The following MACF1 variants were observed in gnomAD, a reference collection of about 807,000 sequenced individuals.
MACF1 encodes the protein microtubule actin crosslinking factor 1, also known as microtubule-actin cross-linking factor 1.
Under a neutral mutation model 854.8 loss-of-function variants are expected in MACF1, and 193 were observed. That is an observed-to-expected ratio of 0.23 (90% confidence interval 0.20 to 0.25). The LOEUF is 0.25. MACF1 is among the 10% of genes least tolerant of loss of function. The pLI is 1.00. For missense variants in MACF1, 7,722 were observed against 8,929.1 expected, an observed-to-expected ratio of 0.86 and a Z score of 5.45; for synonymous variants, 3,185 against 3,226.7, an observed-to-expected ratio of 0.99 and a Z score of 0.44.
rs564422813 is a variant in MACF1, at chr1:39,386,185, G to T, written c.14344+256G>T. Among the ~76,000 whole-genome samples the T allele has an allele frequency of 1.7e-3, 254 of 151,086 alleles. 1 individual carries two copies. The highest frequency in any genetic ancestry group is 5.9e-3 in the African/African-American group (244 of 41,122). On this transcript the variant is annotated intron_variant, in intron 57 of 100. Transcript: ENST00000564288. ...AATAAAATTTCAGTCAGCAAGTAGA[G>T]ATTCATCCCCATAGATGTACTGATA...
At chr1:39,382,471 G>A (rs913114758) in intron 56 of MACF1, among the ~76,000 whole-genome samples, 1 of 151,648 alleles carries the variant, frequency 6.6e-6, no homozygotes, top group African/African-American at 2.4e-5. Context: ...TTGGGAGGTC[G>A]AGGTGGGCGG....
chr1:39,299,156 G>A (rs897849755), intron 21 of MACF1: 1 of 452,058 alleles, frequency 2.2e-6, no homozygotes, highest in Non-Finnish European at 4.4e-6. Flanking sequence ...CAGCTCTCAA[G>A]TATGGAAATG....
At position 39,332,845 on chromosome 1, in the gene MACF1, AAGAG is replaced by A; in HGVS notation, c.6261_6264del (p.Arg2088IlefsTer7). 3 of 1,614,118 alleles carry A rather than the reference AAGAG, an allele frequency of 1.9e-6. No individual in the cohort carries two copies. The highest frequency in any genetic ancestry group is 2.5e-6 in the Non-Finnish European group (3 of 1,180,008). Reference sequence around the variant, plus strand: ...GAACAGGATCTGTTTGTAGAACAAAAAGAGAGAAATCCAAACATTGATGCTTTGA... The same window carrying A: ...GAACAGGATCTGTTTGTAGAACAAAAAGAAATCCAAACATTGATGCTTTGA... On this transcript the variant is annotated frameshift_variant, in exon 37 of 101. Transcript: ENST00000564288. LOFTEE classifies it high-confidence loss of function.
chr1:39,274,313 T>C (rs1033761084), intron 6 of MACF1, among the ~76,000 whole-genome samples: 1 of 152,290 alleles, frequency 6.6e-6, no homozygotes, highest in South Asian at 2.1e-4. Flanking sequence ...GTAATAATAC[T>C]GGTAAAATTA....
At chr1:39,102,538 G>C (rs1303020475) in intron 2 of MACF1, among the ~76,000 whole-genome samples, 1 of 152,128 alleles carries the variant, frequency 6.6e-6, no homozygotes, top group Non-Finnish European at 1.5e-5. Context: ...AATCTGGGAG[G>C]AAAGTCGGTT....
chr1:39,287,158 A>G, intron 14 of MACF1, 128 bp from the exon 15 acceptor site: 1 of 1,000,316 alleles, frequency 1.0e-6, no homozygotes, highest in Non-Finnish European at 1.4e-6. Flanking sequence ...ACGGGGTTTC[A>G]CCATGTTGTC....
chr1:39,480,788 A>C, intron 98 of MACF1, 132 bp from the exon 99 acceptor site: 1 of 618,354 alleles, frequency 1.6e-6, no homozygotes, highest in East Asian at 2.8e-5. Flanking sequence ...ATGGACCAAC[A>C]TGCATTTTAT....
rs745948217 is a variant in MACF1, at chr1:39,422,911, A to G, written c.16149+11A>G. ...ATCCAAGAACAGAAGGTAAGTGAGA[A>G]TGTTGGGACAGTGAACTGTAACAGC... is the stretch of plus-strand genomic sequence containing the variant. On this transcript the variant is annotated intron_variant, in intron 60 of 100. Coordinates refer to ENST00000564288, the MANE Select transcript of MACF1 (RefSeq NM_001394062.1). 8.1e-6 allele frequency: 13 copies of G among 1,612,436 alleles called. No homozygotes were observed. The African/African-American group carries it at 1.6e-4, about 20-fold the overall frequency.
chr1:39,215,873 T>C (rs1292081355), intron 1 of MACF1, among the ~76,000 whole-genome samples: 1 of 152,066 alleles, frequency 6.6e-6, no homozygotes, highest in Non-Finnish European at 1.5e-5. Context: ...CTAGTTCTTT[T>C]ACACTTTACT....
At chr1:39,241,916 T>TAAA (rs1177579182) in intron 2 of MACF1, among the ~76,000 whole-genome samples, 1 of 152,170 alleles carries the variant, frequency 6.6e-6, no homozygotes, top group East Asian at 1.9e-4. Context: ...AAACTGAGGG[T>TAAA]ATTAGAATTA....
At position 39,428,080 on chromosome 1, in the gene MACF1, C is replaced by T; in HGVS notation, c.16596C>T (p.Asp5532=). ...AGGGTGTGCTGTCAGAAAAGATAGA[C>T]TCATTGCAGGCCCGATACAGTGAAA... ...AEQGVLSEKI[D]SLQARYSEIQ... The change falls in exon 63 of 101, where the codon GAC becomes GAT. Residue 5532 remains aspartate (D), a synonymous_variant. Transcript: ENST00000564288. 6.2e-7 allele frequency: 1 copy of T among 1,614,206 alleles called. No homozygotes were observed. The highest frequency in any genetic ancestry group is 8.5e-7 in the Non-Finnish European group (1 of 1,180,038).
chr1:39,363,604 C>CTTTCTTTCTT (rs771066867), intron 49 of MACF1, among the ~76,000 whole-genome samples: 11 of 136,094 alleles, frequency 8.1e-5, no homozygotes, highest in African/African-American at 1.1e-4. Flanking sequence ...TTCTTTCTTT[C>CTTTCTTTCTT]TTTTTTTTTT....
intron 52 of MACF1, among the ~76,000 whole-genome samples, chr1:39,377,769 C>T (rs1271017379): frequency 1.3e-5 from 2 of 152,052 alleles, no homozygotes; most frequent in African/African-American, 2.4e-5. Context: ...TTTGGGAGGC[C>T]GAGGCAGGCA....
Position 39,102,193 on chromosome 1 carries a change from A to AGGAG in MACF1, c.220+17755_220+17756insGGAG, listed in dbSNP as rs1553130573. 2.2e-4 allele frequency among the ~76,000 whole-genome samples: 32 copies of AGGAG among 148,078 alleles called. No homozygotes were observed. In the Admixed American group the frequency reaches 2.2e-3, roughly 10 times the overall value. ...CCGTCAAAAAAAAAGAAGAAAAAGA[A>AGGAG]AGAGAGAGAGAGAGAGAGAAAGAGA... On this transcript the variant is annotated intron_variant, in intron 2 of 93. Transcript: ENST00000361689.
rs1318722022 is a variant in MACF1 at position 39,283,668 on chromosome 1, G to C, written c.915+153G>C. ...ATACATGGACATTATCCTTGGCCCT[G>C]GAAATGAGTCTAGATATTGCTAATT... is the stretch of plus-strand genomic sequence containing the variant. On this transcript the variant is annotated intron_variant, in intron 9 of 100. Coordinates refer to ENST00000564288, the MANE Select transcript of MACF1 (RefSeq NM_001394062.1). The surrounding 1 kb of genome is among the most constrained non-coding windows in gnomAD (Gnocchi z 4.5). Among the ~76,000 whole-genome samples the C allele has an allele frequency of 6.6e-6, 1 of 152,108 alleles. No individual in the cohort carries two copies. Among genetic ancestry groups the C allele is most frequent in the East Asian group, 1.9e-4 (1 of 5,204 alleles).
At position 39,437,965 on chromosome 1, in the gene MACF1, T is replaced by C. The variant is rs1644016749; in HGVS notation, c.18177T>C (p.Leu6059=). Residue 6059 remains leucine (L), a synonymous_variant, in exon 71 of 101, where the codon CTT becomes CTC. Coordinates refer to ENST00000564288, the MANE Select transcript of MACF1 (RefSeq NM_001394062.1). Reference sequence around the variant, plus strand: ...CCTTGAAGCGCCGTGGAGAGGAGCTTATTGGACGATCTCAGGGAGCAGACA... The same window carrying C: ...CCTTGAAGCGCCGTGGAGAGGAGCTCATTGGACGATCTCAGGGAGCAGACA... ...FEALKRRGEE[L]IGRSQGADKD... is the part of the protein sequence containing the mutation. 1 of 1,614,054 alleles carries C rather than the reference T, an allele frequency of 6.2e-7. No homozygotes were observed.
chr1:39,477,263 C>A (rs2124204227), intron 97 of MACF1, among the ~76,000 whole-genome samples: 1 of 151,760 alleles, frequency 6.6e-6, no homozygotes, highest in East Asian at 1.9e-4. Flanking sequence ...CTTAATTTCT[C>A]ACCCAGGTTA....
intron 2 of MACF1, among the ~76,000 whole-genome samples, chr1:39,107,215 A>G (rs1309521798): frequency 2.0e-5 from 3 of 152,172 alleles, no homozygotes; most frequent in Non-Finnish European, 4.4e-5. Flanking sequence ...TCAGCACCTC[A>G]CTGGATGGTA....
chr1:39,131,341 T>A (rs1020037386), intron 2 of MACF1, among the ~76,000 whole-genome samples: 10 of 130,364 alleles, frequency 7.7e-5, no homozygotes, highest in African/African-American at 3.0e-4. Flanking sequence ...AGTTTTATTA[T>A]TTTTTTTTTT....
Sources: gnomAD v4.1 joint callset for allele counts (sites outside exome capture counted in the v4.1 genomes callset) on GRCh38, gnomAD v4.1.1 for gene constraint, Gnocchi (gnomAD v3.1) non-coding constraint, MANE v1.5 for transcripts, NCBI Gene and HGNC (gene_info 2026-07-23, HGNC 2026-07-21) for gene names.